The following NPAS2 variants were observed in gnomAD, a reference collection of about 807,000 sequenced individuals.
NPAS2 encodes the protein neuronal PAS domain-containing protein 2.
A neutral mutation model predicts 107.5 loss-of-function variants in NPAS2; 23 were observed. The ratio of observed to expected loss-of-function variants is 0.21; its 90% CI spans 0.15 to 0.30. The LOEUF (loss-of-function observed/expected upper bound fraction) is 0.30. Ranked by LOEUF, NPAS2 falls within the 10% of genes least tolerant of loss-of-function variation. NPAS2 has a pLI of 1.00. For synonymous variants in NPAS2, 403 were observed against 417.5 expected (o/e 0.97, Z 0.42); for missense variants, 756 against 1,043.3 (o/e 0.72, Z 3.79).
At chr2:100,834,601 G>A (rs3849380) in intron 1 of NPAS2, among the ~76,000 whole-genome samples, 44,844 of 152,112 alleles carry the variant, frequency 0.29, 9,742 homozygotes, top group African/African-American at 0.62. Context: ...TGCCAGGCGG[G>A]GTCAGGGTCA....
At chr2:100,867,613 C>G (rs1679334486) in intron 1 of NPAS2, among the ~76,000 whole-genome samples, 1 of 152,104 alleles carries the variant, frequency 6.6e-6, no homozygotes, top group African/African-American at 2.4e-5. Context: ...ACAATGTTTG[C>G]TAGGTTTTAA....
rs1381950705 is a variant in NPAS2 at position 100,977,815 on chromosome 2, A to G, written c.1482+16A>G. 6.2e-7 allele frequency: 1 copy of G among 1,609,034 alleles called. No individual in the cohort carries two copies. Among genetic ancestry groups the G allele is most frequent in the Non-Finnish European group, 8.5e-7 (1 of 1,175,726 alleles). On this transcript the variant is annotated intron_variant, in intron 15 of 20. Coordinates refer to ENST00000335681, the MANE Select transcript of NPAS2 (RefSeq NM_002518.4). The stretch of plus-strand genomic sequence containing the variant: ...CATGGCACAGGTGAGTCTGGGACCC[A>G]GGAAAGGGCAGCCCCTCTCAAGCCA...
intron 14 of NPAS2, 150 bp from the exon 15 acceptor site, chr2:100,977,560 A>G: frequency 1.5e-6 from 1 of 666,034 alleles, no homozygotes; most frequent in Non-Finnish European, 2.7e-6. Context: ...CAGTGCAGCC[A>G]GGGAACAGAC....
intron 1 of NPAS2, chr2:100,822,812 C>T (rs1676155233): frequency 6.6e-6 from 1 of 152,186 alleles, no homozygotes; most frequent in Non-Finnish European, 1.5e-5. Context: ...GGTCAGATTT[C>T]GAGGTGTTGA....
intron 11 of NPAS2, among the ~76,000 whole-genome samples, chr2:100,969,053 A>G (rs1676395252): frequency 6.6e-6 from 1 of 152,206 alleles, no homozygotes; most frequent in South Asian, 2.1e-4. Flanking sequence ...CCCAAGGATG[A>G]AGGGGAAAAT....
intron 1 of NPAS2, among the ~76,000 whole-genome samples, chr2:100,874,112 G>A (rs917170699): frequency 3.3e-5 from 5 of 151,914 alleles, no homozygotes; most frequent in Non-Finnish European, 7.4e-5. Flanking sequence ...AGCCTTCTGA[G>A]TAGTTGGGAC....
Position 100,966,065 on chromosome 2 carries a change from A to T in NPAS2, c.907+299A>T, listed in dbSNP as rs1023937651. ...GGTGATGCAGGGATTTTTTTTTTTAAGTTATGCAATACATTTCAGAGATAA... is the reference window on the plus strand; with the variant it reads ...GGTGATGCAGGGATTTTTTTTTTTATGTTATGCAATACATTTCAGAGATAA... On this transcript the variant is annotated intron_variant, in intron 10 of 20. Transcript: ENST00000335681. 3.9e-5 allele frequency among the ~76,000 whole-genome samples: 6 copies of T among 151,954 alleles called. No homozygotes were observed. In the East Asian group the frequency reaches 7.7e-4, roughly 20 times the overall value.
intron 15 of NPAS2, among the ~76,000 whole-genome samples, chr2:100,981,238 C>G (rs1004213992): frequency 1.3e-5 from 2 of 152,010 alleles, no homozygotes; most frequent in Admixed American, 6.6e-5. Flanking sequence ...CAAAAGACAG[C>G]GGGCAGGAAA....
chr2:100,852,214 G>C (rs868273511), intron 1 of NPAS2, among the ~76,000 whole-genome samples: 24 of 151,984 alleles, frequency 1.6e-4, no homozygotes, highest in Middle Eastern at 3.2e-3. Flanking sequence ...GGCTAACACG[G>C]TGAAACCCCG....
chr2:100,894,618 A>C (rs1401731414), intron 1 of NPAS2, among the ~76,000 whole-genome samples: 1 of 152,236 alleles, frequency 6.6e-6, no homozygotes, highest in African/African-American at 2.4e-5. Context: ...TAAATAAATG[A>C]TTAAACATTT....
intron 2 of NPAS2, among the ~76,000 whole-genome samples, chr2:100,922,316 AT>A (rs1683276960): frequency 6.6e-6 from 1 of 152,216 alleles, no homozygotes; most frequent in South Asian, 2.1e-4. Flanking sequence ...ATGGTGGCTC[AT>A]GCCTGTAATC....
intron 2 of NPAS2, 94 bp downstream of exon 2, chr2:100,904,880 G>A: frequency 1.2e-6 from 1 of 853,120 alleles, no homozygotes. Flanking sequence ...GTGCAGGTGA[G>A]GCCACCAGCA....
intron 5 of NPAS2, 58 bp downstream of exon 5, chr2:100,937,900 T>C: frequency 7.8e-7 from 1 of 1,282,646 alleles, no homozygotes. Context: ...CTGTTGAGAA[T>C]CATTAGATCT....
intron 7 of NPAS2, 37 bp from the exon 8 acceptor site, chr2:100,964,021 G>T (rs1341785688): frequency 7.2e-7 from 1 of 1,391,060 alleles, no homozygotes; most frequent in African/African-American, 1.4e-5. Flanking sequence ...CACCAGACAG[G>T]GCTAACCTAT....
chr2:100,888,735 G>A (rs1318356411), intron 1 of NPAS2, among the ~76,000 whole-genome samples: 1 of 152,148 alleles, frequency 6.6e-6, no homozygotes, highest in East Asian at 1.9e-4. Context: ...TCAAGCTCAT[G>A]GATTTTGTGT....
chr2:100,982,412 TGCTGTGTGGGAAGGGGTCCTGCC>T, intron 16 of NPAS2, 35 bp downstream of exon 16: 5 of 1,608,234 alleles, frequency 3.1e-6, no homozygotes, highest in Non-Finnish European at 4.2e-6. Context: ...CTGTCCCTGC[TGCTGTGTGGGAAGGGGTCCTGCC>T]GCCATTTCCG....
chr2:100,903,825 A>C (rs1297447287), intron 1 of NPAS2, among the ~76,000 whole-genome samples: 2 of 152,010 alleles, frequency 1.3e-5, no homozygotes, highest in Admixed American at 1.3e-4. Context: ...CGCACCCCAG[A>C]CAGGTGGGGC....
At chr2:100,878,304 A>G (rs766245168) in intron 1 of NPAS2, 104 of 985,320 alleles carry the variant, frequency 1.1e-4, no homozygotes, top group Non-Finnish European at 1.2e-4. Flanking sequence ...GCATTCCCTG[A>G]CATTTCTGCC....
intron 5 of NPAS2, among the ~76,000 whole-genome samples, chr2:100,947,552 C>CAAAA (rs35943087): frequency 5.8e-5 from 8 of 138,188 alleles, no homozygotes; most frequent in Non-Finnish European, 6.3e-5. Flanking sequence ...CACTCTGTCT[C>CAAAA]AAAAAAAAAA....
Sources: allele counts gnomAD v4.1 joint callset (sites outside exome capture counted in the v4.1 genomes callset), GRCh38; gene constraint gnomAD v4.1.1; transcripts MANE v1.5; gene names NCBI Gene and HGNC (gene_info 2026-07-23, HGNC 2026-07-21).